Variants in LSM6 observed in about 807,000 individuals in gnomAD.
LSM6 encodes the protein LSM6 homolog, U6 small nuclear RNA and mRNA degradation associated.
A neutral mutation model predicts 13.5 loss-of-function variants in LSM6; 2 were observed. The ratio of observed to expected loss-of-function variants is 0.15; its 90% CI spans 0.06 to 0.47. The LOEUF is 0.47. LSM6 is among the 20% of genes least tolerant of loss of function. LSM6 has a pLI of 0.97. For missense variants in LSM6, 58 were observed against 96.4 expected, an observed-to-expected ratio of 0.60 and a Z score of 1.67; for synonymous variants, 43 against 34.9, an observed-to-expected ratio of 1.23 and a Z score of -0.82.
At chr4:146,180,517 TC>T (rs1309316301) in intron 1 of LSM6, among the ~76,000 whole-genome samples, 2 of 152,228 alleles carry the variant, frequency 1.3e-5, no homozygotes, top group East Asian at 3.8e-4. Context: ...ACCTATACTG[TC>T]AAGCAACTGA....
In LSM6 at chr4:146,190,229, A is replaced by G. The variant is rs1159290122; in HGVS notation, c.*573A>G. ...CCAAGAGTGCCACTTGCACATAAGG[A>G]GTGGGAATTCGAACTGAGGTGCTGG... On this transcript the variant is annotated 3_prime_UTR_variant, in exon 4 of 4. Transcript: ENST00000296581. The G allele has an allele frequency of 1.3e-5, 2 of 152,492 alleles. No homozygotes were observed. The highest frequency in any genetic ancestry group is 3.8e-4 in the East Asian group (2 of 5,216). 9.4% of individuals were successfully genotyped at this position (152,492 alleles called of 1,614,324 possible). A position where few individuals can be genotyped will look rare whatever the true frequency, so the allele number is the denominator to read the frequency against.
rs1442927079 is a variant in LSM6, at chr4:146,190,124, C to G, written c.*468C>G. On this transcript the variant is annotated 3_prime_UTR_variant, in exon 4 of 4. Coordinates refer to ENST00000296581, the MANE Select transcript of LSM6 (RefSeq NM_007080.3). ...TTCTACAAAGGCATCCAGTTTCAGT[C>G]TGAAGCTACAAAAAGGGGCCACAGG... 2 of 152,872 alleles carry G rather than the reference C, an allele frequency of 1.3e-5. No homozygotes were observed. Among genetic ancestry groups the G allele is most frequent in the Non-Finnish European group, 2.9e-5 (2 of 68,546 alleles). 9.5% of individuals were successfully genotyped at this position (152,872 alleles called of 1,614,324 possible).
At chr4:146,179,970 C>T (rs1730196372) in intron 1 of LSM6, among the ~76,000 whole-genome samples, 1 of 152,264 alleles carries the variant, frequency 6.6e-6, no homozygotes, top group South Asian at 2.1e-4. Context: ...AGAGCCTCAA[C>T]TCTGTGCTCC....
At chr4:146,176,701 T>C (rs550468218) in intron 1 of LSM6, 13 of 152,284 alleles carry the variant, frequency 8.5e-5, no homozygotes, top group Admixed American at 4.6e-4. Flanking sequence ...CTTCTTTTGA[T>C]TGTCCTATCA....
intron 1 of LSM6, among the ~76,000 whole-genome samples, chr4:146,176,873 G>GTCC (rs1730122509): frequency 6.6e-6 from 1 of 152,068 alleles, no homozygotes; most frequent in South Asian, 2.1e-4. Flanking sequence ...TAGATTCTCA[G>GTCC]AAGTGAAATT....
intron 2 of LSM6, among the ~76,000 whole-genome samples, 170 bp from the exon 3 acceptor site, chr4:146,187,104 G>A (rs1730366618): frequency 6.6e-6 from 1 of 152,196 alleles, no homozygotes; most frequent in Admixed American, 6.5e-5. Flanking sequence ...ATTCAGATTG[G>A]CATAGAGTTG....
intron 1 of LSM6, among the ~76,000 whole-genome samples, chr4:146,177,613 A>G (rs2110876877): frequency 6.6e-6 from 1 of 152,108 alleles, no homozygotes; most frequent in Non-Finnish European, 1.5e-5. Flanking sequence ...CTTTAAAACC[A>G]AAGAACAATT....
intron 2 of LSM6, among the ~76,000 whole-genome samples, chr4:146,185,617 G>T (rs1370232154): frequency 6.6e-6 from 1 of 151,680 alleles, no homozygotes; most frequent in Non-Finnish European, 1.5e-5. Context: ...GAAGGAAAGG[G>T]TTGTATTTCT....
chr4:146,175,966 C>G (rs1204436950), intron 1 of LSM6, 155 bp downstream of exon 1: 1 of 152,494 alleles, frequency 6.6e-6, no homozygotes, highest in Admixed American at 6.5e-5. Flanking sequence ...GGCTGGGGCT[C>G]CGGGAAGGGA....
Position 146,175,728 on chromosome 4 carries a change from G to C in LSM6, c.-94G>C, listed in dbSNP as rs774014281. The C allele has an allele frequency of 2.0e-5, 3 of 152,396 alleles. No individual in the cohort carries two copies. The highest frequency in any genetic ancestry group is 4.4e-5 in the Non-Finnish European group (3 of 68,102). 9.4% of individuals were successfully genotyped at this position (152,396 alleles called of 1,614,324 possible). A position where few individuals can be genotyped will look rare whatever the true frequency, so the allele number is the denominator to read the frequency against. On this transcript the variant is annotated 5_prime_UTR_variant, in exon 1 of 4. Transcript: ENST00000296581. ...GAGGCAGAAAAGTGCCCCTGCCTCG[G>C]CGCTTTCGGTTTTGGCTGGGATCAT...
chr4:146,183,330 T>G (rs1442500574), intron 2 of LSM6: 3 of 255,720 alleles, frequency 1.2e-5, no homozygotes, highest in African/African-American at 6.6e-5. Flanking sequence ...ACAACACAAC[T>G]GAAGAACATC....
Position 146,191,142 on chromosome 4 carries a change from A to G in LSM6, c.*1486A>G, listed in dbSNP as rs1730460952. ...CTTGACAGGGGCTTGGAAAAGGTCC[A>G]GTATGTAAGTACAAATCACCAATTT... On this transcript the variant is annotated 3_prime_UTR_variant, in exon 4 of 4. Coordinates refer to ENST00000296581, the MANE Select transcript of LSM6 (RefSeq NM_007080.3). 6.6e-6 allele frequency: 1 copy of G among 152,254 alleles called. No homozygotes were observed. The highest frequency in any genetic ancestry group is 6.5e-5 in the Admixed American group (1 of 15,284). The allele number at this position is 152,254 out of a possible 1,614,324, so 9.4% of individuals were successfully genotyped here.
intron 2 of LSM6, among the ~76,000 whole-genome samples, chr4:146,184,133 C>T (rs983307643): frequency 6.8e-6 from 1 of 146,956 alleles, no homozygotes; most frequent in African/African-American, 2.4e-5. Context: ...AACCAGCACA[C>T]TGCGTGAAGA....
At chr4:146,179,376 A>G (rs1730181963) in intron 1 of LSM6, among the ~76,000 whole-genome samples, 2 of 152,236 alleles carry the variant, frequency 1.3e-5, no homozygotes, top group African/African-American at 4.8e-5. Flanking sequence ...AGTGATGGGA[A>G]AAATTGTGGT....
intron 1 of LSM6, chr4:146,176,114 C>G (rs1013225588): frequency 1.3e-5 from 2 of 152,314 alleles, no homozygotes; most frequent in Admixed American, 1.3e-4. Flanking sequence ...GGCACCGTCC[C>G]GGCTCCTACC....
chr4:146,188,249 T>C (rs1293710795), intron 3 of LSM6, among the ~76,000 whole-genome samples: 1 of 152,204 alleles, frequency 6.6e-6, no homozygotes, highest in Admixed American at 6.5e-5. Context: ...TTTATCCTAT[T>C]TTTCATATCC....
chr4:146,187,527 C>T (rs1379260596), intron 3 of LSM6, 140 bp downstream of exon 3: 1 of 563,330 alleles, frequency 1.8e-6, no homozygotes, highest in African/African-American at 1.9e-5. Context: ...GTCAGATCTT[C>T]AGTTTGACCA....
chr4:146,185,838 A>G (rs1341726747), intron 2 of LSM6, among the ~76,000 whole-genome samples: 1 of 151,344 alleles, frequency 6.6e-6, no homozygotes, highest in Non-Finnish European at 1.5e-5. Context: ...CCAAGTTCAG[A>G]CGATTCTCCT....
At chr4:146,182,494 G>A (rs577772628) in intron 1 of LSM6, among the ~76,000 whole-genome samples, 3 of 152,344 alleles carry the variant, frequency 2.0e-5, no homozygotes, top group Admixed American at 1.3e-4. Context: ...TTGTAAAGAT[G>A]AAATGTGATA....
Sources: gnomAD v4.1 joint callset for allele counts (sites outside exome capture counted in the v4.1 genomes callset) on GRCh38, gnomAD v4.1.1 for gene constraint, MANE v1.5 for transcripts, NCBI Gene and HGNC (gene_info 2026-07-23, HGNC 2026-07-21) for gene names.